RAP1GAP2: variants seen among roughly 807,000 people sequenced by gnomAD.
RAP1GAP2 encodes RAP1 GTPase activating protein 2, also known as rap1 GTPase-activating protein 2.
RAP1GAP2 carries 27 observed loss-of-function variants against 95.0 expected under a neutral mutation model. That is an observed-to-expected ratio of 0.28 (90% CI 0.21 to 0.39). RAP1GAP2 has a LOEUF of 0.39. RAP1GAP2 is among the 10% of genes least tolerant of loss of function. The pLI is 1.00. For synonymous variants in RAP1GAP2, 373 were observed against 380.9 expected (o/e 0.98, Z 0.24); for missense variants, 771 against 970.0 (o/e 0.79, Z 2.72).
At chr17:2,765,942 C>G (rs982068588) in intron 1 of RAP1GAP2, among the ~76,000 whole-genome samples, 1 of 152,056 alleles carries the variant, frequency 6.6e-6, no homozygotes, top group African/African-American at 2.4e-5. Flanking sequence ...GCACTCCAGC[C>G]TGGGTGACAG....
At chr17:2,853,093 G>A (rs1001745128) in intron 2 of RAP1GAP2, among the ~76,000 whole-genome samples, 2 of 152,134 alleles carry the variant, frequency 1.3e-5, no homozygotes, top group African/African-American at 4.8e-5. Context: ...TCCCAGGGCC[G>A]GGAGAGCCAG....
chr17:2,846,619 C>T (rs1180409427), intron 2 of RAP1GAP2, among the ~76,000 whole-genome samples: 3 of 152,100 alleles, frequency 2.0e-5, no homozygotes, highest in Admixed American at 6.6e-5. Flanking sequence ...CATTGTCATG[C>T]AAGTCTTTGT....
At chr17:2,928,265 G>C (rs2043030832) in intron 3 of RAP1GAP2, among the ~76,000 whole-genome samples, 1 of 152,196 alleles carries the variant, frequency 6.6e-6, no homozygotes, top group South Asian at 2.1e-4. Flanking sequence ...ATTTCAGCCT[G>C]CTGGCTCTCC....
At chr17:2,896,440 A>G (rs1383524354) in intron 2 of RAP1GAP2, among the ~76,000 whole-genome samples, 1 of 152,174 alleles carries the variant, frequency 6.6e-6, no homozygotes, top group Non-Finnish European at 1.5e-5. Flanking sequence ...TGGGAGTCAG[A>G]GATCTCAGGG....
intron 3 of RAP1GAP2, among the ~76,000 whole-genome samples, chr17:2,916,122 T>C (rs1194761097): frequency 6.6e-6 from 1 of 152,194 alleles, no homozygotes; most frequent in Non-Finnish European, 1.5e-5. Context: ...TCCAGTACTG[T>C]ATGTTGAGAA....
chr17:3,030,848 C>G, intron 22 of RAP1GAP2, 74 bp from the exon 23 acceptor site: 6 of 1,433,748 alleles, frequency 4.2e-6, no homozygotes, highest in African/African-American at 1.4e-5. Context: ...CCTGGCCTCC[C>G]TAGCCAGTCC....
intron 3 of RAP1GAP2, among the ~76,000 whole-genome samples, chr17:2,926,701 A>G (rs926052497): frequency 2.6e-5 from 4 of 152,100 alleles, no homozygotes; most frequent in African/African-American, 9.7e-5. Flanking sequence ...TCTCACTGAG[A>G]TCAAATCAAG....
chr17:2,829,108 G>A (rs1400761221), intron 2 of RAP1GAP2, among the ~76,000 whole-genome samples: 1 of 146,496 alleles, frequency 6.8e-6, no homozygotes, highest in Non-Finnish European at 1.5e-5. Context: ...TCAGCCTTCT[G>A]AGTAGCTGGG....
In RAP1GAP2 at chr17:3,030,908, G is replaced by A. The variant is rs201533015; in HGVS notation, c.2108-14G>A. 71 of 1,601,448 alleles carry A rather than the reference G, an allele frequency of 4.4e-5. No homozygotes were observed. The Admixed American group carries it at 5.4e-4, about 12-fold the overall frequency. On this transcript the variant is annotated splice_polypyrimidine_tract_variant and intron_variant, in intron 22 of 24. Transcript: ENST00000254695. ...ACAGCTCCACCCTCCTTTCATGGCCGTTCTTTTTCTTAGATGCCAAAAGCA... is the reference window on the plus strand; with the variant it reads ...ACAGCTCCACCCTCCTTTCATGGCCATTCTTTTTCTTAGATGCCAAAAGCA...
chr17:2,822,533 G>A (rs960807322), intron 2 of RAP1GAP2, among the ~76,000 whole-genome samples: 1 of 152,104 alleles, frequency 6.6e-6, no homozygotes, highest in Non-Finnish European at 1.5e-5. Context: ...AGTCAGGTGG[G>A]AGGATTGCTT....
chr17:2,963,803 C>A lies in RAP1GAP2; in HGVS notation c.280-53C>A. 1 of 1,450,484 alleles carries A rather than the reference C, an allele frequency of 6.9e-7. No individual in the cohort carries two copies. Among genetic ancestry groups the A allele is most frequent in the Non-Finnish European group, 9.3e-7 (1 of 1,075,332 alleles). The allele number at this position is 1,450,484 out of a possible 1,614,324, so 89.9% of individuals were successfully genotyped here. On this transcript the variant is annotated intron_variant, in intron 6 of 24. Coordinates refer to ENST00000254695, the MANE Select transcript of RAP1GAP2 (RefSeq NM_015085.5). This position sits in a 1 kb window ranked among gnomAD's most constrained non-coding sequence, Gnocchi z 4.8. ...CGCAGAGGGGACACCGCCACCGGCC[C>A]CCTCCCTCCCCTGCGGTCCCAGGGG...
At chr17:3,016,622 G>A (rs2046779068) in intron 17 of RAP1GAP2, among the ~76,000 whole-genome samples, 1 of 152,198 alleles carries the variant, frequency 6.6e-6, no homozygotes, top group Non-Finnish European at 1.5e-5. Context: ...TCCTGCTGCG[G>A]GTCTCCCAGT....
chr17:2,886,963 C>T (rs2073524448), intron 2 of RAP1GAP2, among the ~76,000 whole-genome samples: 1 of 152,156 alleles, frequency 6.6e-6, no homozygotes, highest in Non-Finnish European at 1.5e-5. Context: ...GAGAATAATT[C>T]TGTATCTACC....
Position 3,032,395 on chromosome 17 carries a change from A to AT in RAP1GAP2, c.2185-11dup. The AT allele has an allele frequency of 1.2e-6, 2 of 1,613,828 alleles. No individual in the cohort carries two copies. Among genetic ancestry groups the AT allele is most frequent in the Non-Finnish European group, 1.7e-6 (2 of 1,179,788 alleles). On this transcript the variant is annotated splice_polypyrimidine_tract_variant and intron_variant, in intron 23 of 24. Transcript: ENST00000254695. ...TCTGGTTATTTAAACTCCTGTATGG[A>AT]TTTTTGTTGAAACAGGGTCACTAAT...
At chr17:3,025,104 C>T (rs745855253) in intron 19 of RAP1GAP2, among the ~76,000 whole-genome samples, 16 of 152,176 alleles carry the variant, frequency 1.1e-4, no homozygotes, top group Non-Finnish European at 1.9e-4. Context: ...CGGCCAGGTG[C>T]GGTGGCTCAC....
intron 11 of RAP1GAP2, among the ~76,000 whole-genome samples, chr17:2,987,592 C>T (rs1011612351): frequency 2.0e-5 from 3 of 152,116 alleles, no homozygotes; most frequent in African/African-American, 7.2e-5. Flanking sequence ...AACTCCCGAC[C>T]TCAGGTGATC....
At chr17:2,966,186 G>T (rs2044590174) in intron 8 of RAP1GAP2, among the ~76,000 whole-genome samples, 1 of 152,170 alleles carries the variant, frequency 6.6e-6, no homozygotes, top group African/African-American at 2.4e-5. Flanking sequence ...AGCTGGAACT[G>T]GTTTCTGTTT....
At chr17:3,015,839 C>T (rs1005546219) in intron 17 of RAP1GAP2, among the ~76,000 whole-genome samples, 9 of 151,020 alleles carry the variant, frequency 6.0e-5, no homozygotes, top group African/African-American at 2.2e-4. Flanking sequence ...AAAAAGATGG[C>T]TCAAAAGAGG....
At chr17:2,910,855 C>A (rs1467825706) in intron 3 of RAP1GAP2, among the ~76,000 whole-genome samples, 1 of 152,138 alleles carries the variant, frequency 6.6e-6, no homozygotes, top group African/African-American at 2.4e-5. Flanking sequence ...CGCACCACCA[C>A]ACCCCGCTAA....
Sources: allele counts gnomAD v4.1 joint callset (sites outside exome capture counted in the v4.1 genomes callset), GRCh38; gene constraint gnomAD v4.1.1; non-coding constraint Gnocchi (gnomAD v3.1); transcripts MANE v1.5; gene names NCBI Gene and HGNC (gene_info 2026-07-23, HGNC 2026-07-21).